TUBGCP5: variants seen among roughly 807,000 people sequenced by gnomAD.
TUBGCP5 encodes tubulin gamma complex component 5.
Under a neutral mutation model 134.7 loss-of-function variants are expected in TUBGCP5, and 98 were observed. The ratio of observed to expected loss-of-function variants is 0.73; its 90% CI spans 0.62 to 0.86. TUBGCP5 has a LOEUF of 0.86. Ranked by LOEUF, TUBGCP5 falls within the 40% of genes least tolerant of loss-of-function variation. The probability of loss-of-function intolerance (pLI) is 0.00; values close to 1 mark genes in which losing one functional copy is unlikely to be tolerated. For missense variants in TUBGCP5, 1,150 were observed against 1,244.8 expected (o/e 0.92, Z 1.15); for synonymous variants, 456 against 431.4 (o/e 1.06, Z -0.71).
rs186536965 is a variant in TUBGCP5 at position 23,016,923 on chromosome 15, T to A, written c.1756+850A>T. 1.2e-3 allele frequency among the ~76,000 whole-genome samples: 169 copies of A among 143,570 alleles called. 1 individual carries two copies. In the Admixed American group the frequency reaches 0.012, roughly 10 times the overall value. The allele number at this position is 143,570 out of a possible 152,430, so 94.2% of individuals were successfully genotyped here. ...CTATTCACACAGCCAAGACATGGAA[T>A]CAACCTAGGTGCCCAACAACAGATG... On this transcript the variant is annotated intron_variant, in intron 13 of 22. Coordinates refer to ENST00000615383, the MANE Select transcript of TUBGCP5 (RefSeq NM_052903.6).
chr15:22,991,151 G>C, intron 23 of TUBGCP5, among the ~76,000 whole-genome samples: 1 of 151,486 alleles, frequency 6.6e-6, no homozygotes, highest in East Asian at 1.9e-4. Context: ...AGGCTGGAGT[G>C]CAGTGGCGCG....
Position 23,023,996 on chromosome 15 carries a change from A to G in TUBGCP5, c.1119T>C (p.Ile373=), listed in dbSNP as rs2065853774. ...AFMWALYKYF[I]SFKEELAEIE... is the part of the protein sequence containing the mutation. The stretch of plus-strand genomic sequence containing the variant: ...TTTCTGCAAGTTCCTCTTTGAAACT[A>G]ATGAAATATTTGTACAGGGCCCACA... Residue 373 remains isoleucine, a synonymous_variant, in exon 10 of 23, where the codon ATT becomes ATC. Transcript: ENST00000615383. 1 of 1,614,082 alleles carries G rather than the reference A, an allele frequency of 6.2e-7. No homozygotes were observed. Among genetic ancestry groups the G allele is most frequent in the African/African-American group, 1.3e-5 (1 of 75,040 alleles).
Position 23,036,915 on chromosome 15 carries a change from G to A in TUBGCP5, c.291C>T (p.Pro97=), listed in dbSNP as rs1567174192. ...GGCATACCTTTATTTCCTTTATACT[G>A]GGAAGTGGTGCATTTAGAAATTCCT... The part of the protein sequence containing the change: ...LTEEFLNAPL[P]SIKEIKTDAH... The change falls in exon 3 of 23, where the codon CCC becomes CCT. Residue 97 remains proline (P), a synonymous_variant. Transcript: ENST00000615383. 3.1e-6 allele frequency: 5 copies of A among 1,608,644 alleles called. No individual in the cohort carries two copies. Among genetic ancestry groups the A allele is most frequent in the Non-Finnish European group, 3.4e-6 (4 of 1,175,630 alleles).
chr15:23,039,180 C>T (rs1275916819), intron 1 of TUBGCP5, among the ~76,000 whole-genome samples: 5 of 151,958 alleles, frequency 3.3e-5, no homozygotes, highest in African/African-American at 1.2e-4. Context: ...ACGATCAGGA[C>T]GCGTCCCGGG....
At chr15:22,988,500 A>G (rs112393757) in intron 23 of TUBGCP5, among the ~76,000 whole-genome samples, 15,812 of 151,472 alleles carry the variant, frequency 0.1, 894 homozygotes, top group African/African-American at 0.13. Flanking sequence ...TTGGGAGGCC[A>G]AGGCGGGCGT....
chr15:23,031,340 A>T (rs994794952), intron 5 of TUBGCP5, among the ~76,000 whole-genome samples: 1 of 151,128 alleles, frequency 6.6e-6, no homozygotes, highest in African/African-American at 2.4e-5. Context: ...TTTGAGACAG[A>T]GTCTCTCGCT....
intron 10 of TUBGCP5, chr15:23,023,412 A>G (rs2065819664): frequency 6.5e-6 from 1 of 153,300 alleles, no homozygotes; most frequent in Non-Finnish European, 1.5e-5. Flanking sequence ...AGTGATTATC[A>G]CTGCAGCACT....
chr15:23,002,376 G>A (rs756316789), intron 21 of TUBGCP5, among the ~76,000 whole-genome samples: 4 of 152,114 alleles, frequency 2.6e-5, no homozygotes, highest in South Asian at 2.1e-4. Flanking sequence ...TTTATTTCAT[G>A]GAAGTAACAG....
intron 10 of TUBGCP5, among the ~76,000 whole-genome samples, chr15:23,022,459 A>G (rs2065760456): frequency 6.6e-6 from 1 of 152,218 alleles, no homozygotes; most frequent in South Asian, 2.1e-4. Context: ...TAATAAAAGA[A>G]CGCAAATTAA....
At chr15:23,023,111 C>T (rs11633966) in intron 10 of TUBGCP5, 78,167 of 151,936 alleles carry the variant, frequency 0.51, 21,274 homozygotes, top group African/African-American at 0.69. Context: ...AGCTTATGCC[C>T]GTAATCCCAG....
chr15:23,034,919 A>G (rs959610250), intron 3 of TUBGCP5, among the ~76,000 whole-genome samples: 2 of 152,216 alleles, frequency 1.3e-5, no homozygotes, highest in Non-Finnish European at 2.9e-5. Context: ...GAAGAGATTA[A>G]TAACATTAAT....
chr15:23,034,241 A>T (rs1258902714), intron 3 of TUBGCP5, among the ~76,000 whole-genome samples: 2 of 152,164 alleles, frequency 1.3e-5, no homozygotes, highest in Non-Finnish European at 2.9e-5. Flanking sequence ...ATAAGCCCCC[A>T]ATAAAAGCCC....
chr15:22,995,259 T>A (rs1319196410), downstream of TUBGCP5, among the ~76,000 whole-genome samples: 2 of 150,704 alleles, frequency 1.3e-5, no homozygotes, highest in African/African-American at 2.4e-5. Flanking sequence ...AATAAATAAA[T>A]AAAAATAAAA....
chr15:22,998,473 G>C (rs2064197094), downstream of TUBGCP5, among the ~76,000 whole-genome samples: 1 of 151,234 alleles, frequency 6.6e-6, no homozygotes, highest in African/African-American at 2.4e-5. Flanking sequence ...CTTTTTTTTT[G>C]TTGGAGACAA....
At chr15:23,003,640 T>G (rs892506681) in intron 20 of TUBGCP5, among the ~76,000 whole-genome samples, 10 of 102,516 alleles carry the variant, frequency 9.8e-5, no homozygotes, top group Non-Finnish European at 1.7e-4. Flanking sequence ...CTGTTTTTTT[T>G]TTTTTTTTTT....
At chr15:22,985,909 G>C (rs907534513) in intron 23 of TUBGCP5, among the ~76,000 whole-genome samples, 1 of 151,538 alleles carries the variant, frequency 6.6e-6, no homozygotes, top group African/African-American at 2.4e-5. Flanking sequence ...CGAGATGGGC[G>C]GATCACAAGG....
chr15:22,986,029 G>A (rs964148037), intron 23 of TUBGCP5, among the ~76,000 whole-genome samples: 32 of 150,636 alleles, frequency 2.1e-4, no homozygotes, highest in African/African-American at 7.6e-4. Context: ...AGCTACTCAG[G>A]AGGCTGAGAC....
intron 23 of TUBGCP5, among the ~76,000 whole-genome samples, chr15:22,993,224 T>G (rs1332811036): frequency 6.6e-6 from 1 of 151,368 alleles, no homozygotes; most frequent in African/African-American, 2.4e-5. Context: ...CTCAGCCTCC[T>G]AAGTAGCTGG....
At chr15:23,003,928 C>G (rs1040523815) in intron 20 of TUBGCP5, among the ~76,000 whole-genome samples, 174 bp downstream of exon 20, 1 of 152,184 alleles carries the variant, frequency 6.6e-6, no homozygotes, top group Non-Finnish European at 1.5e-5. Context: ...GCTGGGATTA[C>G]AGGCATGAGC....
Sources: allele counts gnomAD v4.1 joint callset (sites outside exome capture counted in the v4.1 genomes callset), GRCh38; gene constraint gnomAD v4.1.1; transcripts MANE v1.5; gene names NCBI Gene and HGNC (gene_info 2026-07-23, HGNC 2026-07-21).